Variants in MCTP2 observed in about 807,000 individuals in gnomAD.
MCTP2 encodes multiple C2 and transmembrane domain-containing protein 2.
MCTP2 carries 132 observed loss-of-function variants against 111.6 expected under a neutral mutation model. That is an observed-to-expected ratio of 1.18 (90% CI 1.03 to 1.37). The LOEUF is 1.37. MCTP2 is among the 40% of genes most tolerant of loss of function. MCTP2 has a pLI of 0.00. For missense variants in MCTP2, 1,183 were observed against 1,067.9 expected (o/e 1.11, Z -1.50); for synonymous variants, 395 against 387.7 (o/e 1.02, Z -0.22).
At position 94,373,051 on chromosome 15, in the gene MCTP2, C is replaced by T. The variant is rs926732571; in HGVS notation, c.1582+2871C>T. On this transcript the variant is annotated intron_variant, in intron 12 of 22. Coordinates refer to ENST00000357742, the MANE Select transcript of MCTP2 (RefSeq NM_001385001.1). ...TAGTCCATACGGAGGTTATAGTTACCGTTTTGGGGGCAAAGGGACCACACA... is the reference window on the plus strand; with the variant it reads ...TAGTCCATACGGAGGTTATAGTTACTGTTTTGGGGGCAAAGGGACCACACA... 1.2e-4 allele frequency among the ~76,000 whole-genome samples: 18 copies of T among 152,212 alleles called. No homozygotes were observed. In the East Asian group the frequency reaches 1.7e-3, roughly 15 times the overall value.
intron 14 of MCTP2, among the ~76,000 whole-genome samples, chr15:94,398,033 CCAAT>C (rs1451080666): frequency 6.6e-6 from 1 of 152,120 alleles, no homozygotes; most frequent in Non-Finnish European, 1.5e-5. Context: ...TTCATGGGAG[CCAAT>C]CAGTTTCCAA....
chr15:94,414,663 A>AT (rs911448264), intron 17 of MCTP2, among the ~76,000 whole-genome samples: 1 of 151,948 alleles, frequency 6.6e-6, no homozygotes, highest in Non-Finnish European at 1.5e-5. Context: ...ATTTTATTTG[A>AT]TTTTCCCCCT....
At chr15:94,436,076 G>A (rs904495545) in intron 17 of MCTP2, among the ~76,000 whole-genome samples, 1 of 152,130 alleles carries the variant, frequency 6.6e-6, no homozygotes, top group African/African-American at 2.4e-5. Flanking sequence ...AACTTTAGCG[G>A]CATTCACATA....
chr15:94,373,773 A>C (rs1227832229), intron 12 of MCTP2, among the ~76,000 whole-genome samples: 2 of 152,180 alleles, frequency 1.3e-5, no homozygotes, highest in Non-Finnish European at 2.9e-5. Flanking sequence ...AAGCCTGTCA[A>C]ATGTTTTTTA....
chr15:94,356,101 AG>A, intron 8 of MCTP2, 35 bp from the exon 9 acceptor site: 1 of 1,433,280 alleles, frequency 7.0e-7, no homozygotes, highest in Non-Finnish European at 9.2e-7. Context: ...AGGAATTAGA[AG>A]CAAGTTTACA....
chr15:94,463,551 C>G (rs1169650668), intron 20 of MCTP2, among the ~76,000 whole-genome samples: 1 of 151,994 alleles, frequency 6.6e-6, no homozygotes, highest in Admixed American at 6.5e-5. Context: ...TTTTCTTCAT[C>G]TTTCCAGCCC....
chr15:94,465,097 T>G (rs1871491110), intron 20 of MCTP2, among the ~76,000 whole-genome samples: 1 of 152,122 alleles, frequency 6.6e-6, no homozygotes, highest in South Asian at 2.1e-4. Context: ...TTTTATCTGT[T>G]TTTGCTTTCT....
chr15:94,447,132 C>G (rs112847883), intron 19 of MCTP2, among the ~76,000 whole-genome samples: 5 of 152,106 alleles, frequency 3.3e-5, no homozygotes, highest in African/African-American at 1.2e-4. Context: ...TCCTCATTAC[C>G]CAGACAGGGC....
At chr15:94,244,670 C>G (rs866977997) in intron 1 of MCTP2, among the ~76,000 whole-genome samples, 61 of 131,414 alleles carry the variant, frequency 4.6e-4, no homozygotes, top group East Asian at 1.4e-3. Flanking sequence ...ACATACATAT[C>G]CACCTATGTT....
intron 1 of MCTP2, among the ~76,000 whole-genome samples, chr15:94,247,296 C>T (rs1280952600): frequency 1.3e-5 from 2 of 152,144 alleles, no homozygotes; most frequent in South Asian, 2.1e-4. Flanking sequence ...ACCTGCTGCC[C>T]TTTCTTAGTC....
chr15:94,270,149 G>C (rs1418284524), intron 1 of MCTP2, among the ~76,000 whole-genome samples: 1 of 152,002 alleles, frequency 6.6e-6, no homozygotes, highest in African/African-American at 2.4e-5. Flanking sequence ...TAGGAGATGG[G>C]GACTATGATA....
chr15:94,441,458 A>G (rs533727122), intron 18 of MCTP2, among the ~76,000 whole-genome samples: 1 of 152,290 alleles, frequency 6.6e-6, no homozygotes, highest in East Asian at 1.9e-4. Flanking sequence ...CATTTTTACA[A>G]TGTTTACGCA....
rs1033495295 is a variant in MCTP2, at chr15:94,482,784, C to A, written c.*3750C>A. On this transcript the variant is annotated 3_prime_UTR_variant, in exon 23 of 23. Transcript: ENST00000357742. ...AGTCAGTTAAGAGTGTAAATAGAAA[C>A]GGGTAAATACAGAGGAGAAAAACAG... 6.6e-6 allele frequency: 1 copy of A among 152,108 alleles called. No homozygotes were observed. Among genetic ancestry groups the A allele is most frequent in the East Asian group, 1.9e-4 (1 of 5,188 alleles). 9.4% of individuals were successfully genotyped at this position (152,108 alleles called of 1,614,324 possible).
chr15:94,242,993 ATG>A (rs1567248796), intron 1 of MCTP2, among the ~76,000 whole-genome samples: 2 of 85,302 alleles, frequency 2.3e-5, no homozygotes, highest in Non-Finnish European at 5.2e-5. Flanking sequence ...ACACGTGTAT[ATG>A]TGTATCTACA....
At chr15:94,254,514 G>A (rs1327693849) in intron 1 of MCTP2, among the ~76,000 whole-genome samples, 1 of 152,194 alleles carries the variant, frequency 6.6e-6, no homozygotes, top group Non-Finnish European at 1.5e-5. Context: ...TGGACAAGAA[G>A]ACAGTGCCTG....
intron 1 of MCTP2, among the ~76,000 whole-genome samples, chr15:94,267,020 A>G (rs2073575849): frequency 6.6e-6 from 1 of 152,192 alleles, no homozygotes; most frequent in African/African-American, 2.4e-5. Flanking sequence ...GTTTTGAAGA[A>G]CTGCTTTGTA....
intron 2 of MCTP2, 146 bp downstream of exon 2, chr15:94,298,876 C>G: frequency 2.8e-6 from 1 of 358,896 alleles, no homozygotes; most frequent in Non-Finnish European, 4.7e-6. Context: ...CTCTCTCCCC[C>G]TCCCCCCTCT....
chr15:94,361,084 GTTTTTTTTTTT>G (rs67774490), intron 10 of MCTP2, among the ~76,000 whole-genome samples: 179 of 8,426 alleles, frequency 0.021, 7 homozygotes, highest in East Asian at 0.085. Context: ...AATATTTCAA[GTTTTTTTTTTT>G]TTTTTTTTTT....
intron 12 of MCTP2, among the ~76,000 whole-genome samples, chr15:94,376,932 T>C (rs2152445838): frequency 6.6e-6 from 1 of 152,332 alleles, no homozygotes; most frequent in East Asian, 1.9e-4. Flanking sequence ...TTTGTTGTTG[T>C]TGTTATACAA....
Sources: gnomAD v4.1 joint callset for allele counts (sites outside exome capture counted in the v4.1 genomes callset) on GRCh38, gnomAD v4.1.1 for gene constraint, MANE v1.5 for transcripts, NCBI Gene and HGNC (gene_info 2026-07-23, HGNC 2026-07-21) for gene names.